The following CFH variants were observed in gnomAD, a reference collection of about 807,000 sequenced individuals.
The protein encoded by CFH is H factor 1 (complement).
A neutral mutation model predicts 147.3 loss-of-function variants in CFH; 53 were observed. The observed-to-expected ratio is 0.36, with a 90% CI of 0.29 to 0.45. The LOEUF (loss-of-function observed/expected upper bound fraction) is 0.45, where lower values mean the gene tolerates loss of function less well. CFH is among the 20% of genes least tolerant of loss of function. CFH has a pLI of 1.00. For missense variants in CFH, 1,380 were observed against 1,498.0 expected, an observed-to-expected ratio of 0.92 and a Z score of 1.30; for synonymous variants, 536 against 489.4, an observed-to-expected ratio of 1.10 and a Z score of -1.26.
intron 1 of CFH, among the ~76,000 whole-genome samples, chr1:196,654,875 T>G (rs1666632549): frequency 6.6e-6 from 1 of 152,148 alleles, no homozygotes; most frequent in South Asian, 2.1e-4. Context: ...ATTGTATGTT[T>G]GAATTTCAGT....
At chr1:196,680,323 A>C (rs986556951) in intron 6 of CFH, among the ~76,000 whole-genome samples, 2 of 151,508 alleles carry the variant, frequency 1.3e-5, no homozygotes, top group African/African-American at 4.8e-5. Context: ...AAAAAAAAAA[A>C]AAAAACCTCT....
At position 196,737,033 on chromosome 1, in the gene CFH, T is replaced by C. The variant is rs1343624237; in HGVS notation, c.2596+27T>C. ...TCAGTAGTGTATAATTTGTTTTACATAATTCTTTCAAATGAGGTTAATATT... is the reference window on the plus strand; with the variant it reads ...TCAGTAGTGTATAATTTGTTTTACACAATTCTTTCAAATGAGGTTAATATT... On this transcript the variant is annotated intron_variant, in intron 16 of 21. Transcript: ENST00000367429. 5.1e-6 allele frequency: 8 copies of C among 1,580,314 alleles called. No individual in the cohort carries two copies. The South Asian group carries it at 8.9e-5, about 18-fold the overall frequency.
chr1:196,708,832 G>T (rs75049744), intron 9 of CFH, among the ~76,000 whole-genome samples: 2,226 of 152,238 alleles, frequency 0.015, 60 homozygotes, highest in African/African-American at 0.05. Context: ...AAAAGGGACT[G>T]CCAGGCATAT....
At chr1:196,737,030 A>G in intron 16 of CFH, 24 bp downstream of exon 16, 2 of 1,590,580 alleles carry the variant, frequency 1.3e-6, no homozygotes, top group Non-Finnish European at 1.7e-6. Context: ...AATTTGTTTT[A>G]CATAATTCTT....
chr1:196,674,214 A>T (rs564316867), intron 3 of CFH, among the ~76,000 whole-genome samples: 4 of 152,278 alleles, frequency 2.6e-5, no homozygotes, highest in African/African-American at 9.6e-5. Flanking sequence ...AACAGTATGC[A>T]CATATATAAG....
rs896324412 is a variant in CFH, at chr1:196,724,645, C to T, written c.1697-476C>T. ...TTTCTCTATGACGCTCCTGCACCCT[C>T]TCTTAAATATTTTTCAAGTTATGAT... On this transcript the variant is annotated intron_variant, in intron 11 of 21. Coordinates refer to ENST00000367429, the MANE Select transcript of CFH (RefSeq NM_000186.4). Among the ~76,000 whole-genome samples the T allele has an allele frequency of 2.0e-5, 3 of 151,968 alleles. No homozygotes were observed. In the East Asian group the frequency reaches 5.8e-4, roughly 29 times the overall value.
rs35031568 is a variant in CFH, at chr1:196,715,460, A to G, written c.1520-133A>G. 4.3e-3 allele frequency: 2,922 copies of G among 684,220 alleles called. 65 individuals carry two copies. In the African/African-American group the frequency reaches 0.047, roughly 11 times the overall value. 42.4% of individuals were successfully genotyped at this position (684,220 alleles called of 1,614,324 possible). On this transcript the variant is annotated intron_variant, in intron 10 of 21. Coordinates refer to ENST00000367429, the MANE Select transcript of CFH (RefSeq NM_000186.4). ...TTACGACAACAAATTCTCACCAGTC[A>G]TAGATTATTTTTGTACGGTACCTAT...
rs139161874 is a variant in CFH, at chr1:196,670,682, T to G, written c.59-2296T>G. ...CTTTTCTTTATAAATTACCCAGTCT[T>G]GAGTATTTCTTCATAGCTGTGCAAA... On this transcript the variant is annotated intron_variant, in intron 1 of 21. Coordinates refer to ENST00000367429, the MANE Select transcript of CFH (RefSeq NM_000186.4). 7.7e-4 allele frequency among the ~76,000 whole-genome samples: 117 copies of G among 152,266 alleles called. 1 individual carries two copies. The highest frequency in any genetic ancestry group is 2.7e-3 in the African/African-American group (114 of 41,550).
chr1:196,716,596 G>A (rs1668875221), intron 11 of CFH, among the ~76,000 whole-genome samples: 1 of 152,100 alleles, frequency 6.6e-6, no homozygotes, highest in Non-Finnish European at 1.5e-5. Flanking sequence ...AAAGTGTGGG[G>A]ACTGAGAGAG....
intron 6 of CFH, among the ~76,000 whole-genome samples, chr1:196,682,171 G>A (rs1056257420): frequency 2.0e-5 from 3 of 151,686 alleles, no homozygotes; most frequent in Non-Finnish European, 3.0e-5. Flanking sequence ...TCAAAGGTAC[G>A]AAGAACTGCT....
At chr1:196,701,354 T>A in intron 9 of CFH, 9 of 1,613,698 alleles carry the variant, frequency 5.6e-6, no homozygotes, top group Non-Finnish European at 7.6e-6. Flanking sequence ...AGGTCATCCC[T>A]CTCCAGCTTG....
Position 196,672,996 on chromosome 1 carries a change from C to T in CFH, c.77C>T (p.Pro26Leu). Residue 26 changes from proline (P) to leucine (L), a missense_variant, in exon 2 of 22, where the codon CCA becomes CTA. This residue lies in a region of CFH where 260 missense variants were observed against 263.3 expected (regional missense o/e 0.99). Coordinates refer to ENST00000367429, the MANE Select transcript of CFH (RefSeq NM_000186.4). ...CVAEDCNELP[P>L]RRNTEILTGS... ...TTTGTAGATTGCAATGAACTTCCTC[C>T]AAGAAGAAATACAGAAATTCTGACA... is the stretch of plus-strand genomic sequence containing the variant. 1 of 1,613,888 alleles carries T rather than the reference C, an allele frequency of 6.2e-7. No homozygotes were observed. The highest frequency in any genetic ancestry group is 8.5e-7 in the Non-Finnish European group (1 of 1,179,948).
intron 1 of CFH, among the ~76,000 whole-genome samples, chr1:196,652,773 C>G (rs1177468977): frequency 6.6e-6 from 1 of 151,532 alleles, no homozygotes; most frequent in Admixed American, 6.6e-5. Flanking sequence ...AGATTTTTTT[C>G]CTGTAGTTGT....
chr1:196,666,230 G>A (rs1354783433), intron 1 of CFH, among the ~76,000 whole-genome samples: 2 of 151,858 alleles, frequency 1.3e-5, no homozygotes, highest in Admixed American at 1.3e-4. Flanking sequence ...GAACTTGGAG[G>A]GTGATTTATG....
chr1:196,712,878 G>A (rs1203987378), intron 9 of CFH, among the ~76,000 whole-genome samples: 1 of 147,290 alleles, frequency 6.8e-6, no homozygotes, highest in East Asian at 2.0e-4. Flanking sequence ...TTGGTTTTTT[G>A]TCCTTGCGAT....
At chr1:196,719,360 A>T (rs551542170) in intron 11 of CFH, among the ~76,000 whole-genome samples, 47 of 152,116 alleles carry the variant, frequency 3.1e-4, no homozygotes, top group African/African-American at 1.1e-3. Context: ...ACACATACAA[A>T]AAAAAGAATT....
intron 6 of CFH, among the ~76,000 whole-genome samples, chr1:196,684,151 A>G (rs967340718): frequency 1.3e-5 from 2 of 151,960 alleles, no homozygotes; most frequent in African/African-American, 4.8e-5. Context: ...GGGCCAAAGG[A>G]TGGCAAACTA....
intron 1 of CFH, among the ~76,000 whole-genome samples, chr1:196,665,315 A>G (rs1218285297): frequency 6.6e-6 from 1 of 150,930 alleles, no homozygotes; most frequent in East Asian, 1.9e-4. Context: ...TGCTTTATGC[A>G]TTAAGCCTTC....
intron 9 of CFH, among the ~76,000 whole-genome samples, chr1:196,691,562 G>A (rs998652887): frequency 1.3e-5 from 2 of 151,750 alleles, no homozygotes; most frequent in African/African-American, 4.8e-5. Flanking sequence ...GGTATTTAAT[G>A]CTTCTAATCT....
Sources: allele counts gnomAD v4.1 joint callset (sites outside exome capture counted in the v4.1 genomes callset), GRCh38; gene constraint gnomAD v4.1.1; regional missense constraint gnomAD v4.1.1; transcripts MANE v1.5; gene names NCBI Gene and HGNC (gene_info 2026-07-23, HGNC 2026-07-21).